Variants in TRIM37 observed in about 807,000 individuals in gnomAD.
TRIM37 encodes tripartite motif containing 37, also known as E3 ubiquitin-protein ligase TRIM37.
TRIM37 carries 80 observed loss-of-function variants against 129.8 expected under a neutral mutation model. That is an observed-to-expected ratio of 0.62 (90% confidence interval 0.51 to 0.74). The LOEUF (loss-of-function observed/expected upper bound fraction) is 0.74, where lower values mean the gene tolerates loss of function less well. Ranked by LOEUF, TRIM37 falls within the 30% of genes least tolerant of loss-of-function variation. TRIM37 has a pLI of 0.00. For synonymous variants in TRIM37, 389 were observed against 387.1 expected, an observed-to-expected ratio of 1.00 and a Z score of -0.06; for missense variants, 1,054 against 1,176.5, an observed-to-expected ratio of 0.90 and a Z score of 1.52.
At chr17:59,030,779 A>G (rs1426164152) in intron 18 of TRIM37, among the ~76,000 whole-genome samples, 1 of 152,190 alleles carries the variant, frequency 6.6e-6, no homozygotes, top group Non-Finnish European at 1.5e-5. Flanking sequence ...TCTTTGGAAT[A>G]TACTCCTCAA....
chr17:58,994,957 C>G (rs141992855), downstream of TRIM37, among the ~76,000 whole-genome samples: 4 of 152,268 alleles, frequency 2.6e-5, no homozygotes, highest in African/African-American at 4.8e-5. Flanking sequence ...CCATGTTGGT[C>G]AGGTTGGTCT....
At position 59,001,958 on chromosome 17, in the gene TRIM37, T is replaced by G. The variant is rs1352727998; in HGVS notation, c.2696-244A>C. On this transcript the variant is annotated intron_variant, in intron 22 of 23. Coordinates refer to ENST00000262294, the MANE Select transcript of TRIM37 (RefSeq NM_015294.6). ...TTAAAATTGCCCTTTCCATAGTACC[T>G]GAAAGTTATTATTTGAAACCAGCAT... 5.3e-5 allele frequency among the ~76,000 whole-genome samples: 8 copies of G among 152,270 alleles called. No individual in the cohort carries two copies. The South Asian group carries it at 1.7e-3, about 32-fold the overall frequency.
chr17:59,080,284 G>A (rs901159878), intron 6 of TRIM37, among the ~76,000 whole-genome samples: 1 of 152,076 alleles, frequency 6.6e-6, no homozygotes, highest in Non-Finnish European at 1.5e-5. Context: ...TTTTTTCACA[G>A]AAATAACATT....
At chr17:59,042,854 T>C (rs998027871) in intron 16 of TRIM37, among the ~76,000 whole-genome samples, 3 of 151,498 alleles carry the variant, frequency 2.0e-5, no homozygotes, top group Non-Finnish European at 2.9e-5. Flanking sequence ...AATGAAACAC[T>C]AAAAAATCTA....
chr17:59,020,952 T>C (rs2036532112), intron 19 of TRIM37, among the ~76,000 whole-genome samples: 1 of 152,208 alleles, frequency 6.6e-6, no homozygotes, highest in Non-Finnish European at 1.5e-5. Flanking sequence ...ATCTACCATA[T>C]GATCCAGCAA....
Position 59,001,657 on chromosome 17 carries a change from T to C in TRIM37, c.2753A>G (p.His918Arg), listed in dbSNP as rs907843027. 6.2e-7 allele frequency: 1 copy of C among 1,614,128 alleles called. No individual in the cohort carries two copies. Among genetic ancestry groups the C allele is most frequent in the Non-Finnish European group, 8.5e-7 (1 of 1,179,996 alleles). The change falls in exon 23 of 24, where the codon CAT becomes CGT. Residue 918 changes from histidine (H) to arginine (R), a missense_variant. Around this residue, in one of 3 missense-constraint regions of TRIM37, gnomAD observed 287 missense variants for 274.3 expected, o/e 1.05. Transcript: ENST00000262294. The part of the protein sequence containing the change: ...CDTENEEQEE[H>R]TSVGGFHDSF... The stretch of plus-strand genomic sequence containing the variant: ...GTCGTGAAACCCGCCCACACTGGTA[T>C]GCTCTTCCTGCTCCTCATTCTCAGT...
rs756595364 is a variant in TRIM37, at chr17:59,049,160, A to C, written c.1530+18T>G. The stretch of plus-strand genomic sequence containing the variant: ...TTTTTAATCAAACACAAAAATCTAA[A>C]ACTGGCCTCATTATTACATGATAAT... On this transcript the variant is annotated intron_variant, in intron 15 of 23. Transcript: ENST00000262294. The C allele has an allele frequency of 6.2e-7, 1 of 1,604,012 alleles. No individual in the cohort carries two copies. Among genetic ancestry groups the C allele is most frequent in the Non-Finnish European group, 8.5e-7 (1 of 1,171,042 alleles).
chr17:59,071,617 T>C (rs1265007816), intron 8 of TRIM37, among the ~76,000 whole-genome samples: 1 of 151,812 alleles, frequency 6.6e-6, no homozygotes, highest in Admixed American at 6.6e-5. Context: ...ATTTCTCAGA[T>C]TGTATTCTAG....
intron 19 of TRIM37, among the ~76,000 whole-genome samples, 192 bp from the exon 20 acceptor site, chr17:59,017,616 G>A (rs1472021960): frequency 6.6e-6 from 1 of 151,848 alleles, no homozygotes; most frequent in East Asian, 1.9e-4. Flanking sequence ...GTTGCTTGTA[G>A]AGCAGAATCT....
At position 59,055,821 on chromosome 17, in the gene TRIM37, G is replaced by A. The variant is rs138383165; in HGVS notation, c.1199+1054C>T. Among the ~76,000 whole-genome samples the A allele has an allele frequency of 1.2e-3, 187 of 152,134 alleles. 2 individuals carry two copies. The Middle Eastern group carries it at 0.017, about 14-fold the overall frequency. On this transcript the variant is annotated intron_variant, in intron 13 of 23. Coordinates refer to ENST00000262294, the MANE Select transcript of TRIM37 (RefSeq NM_015294.6). The stretch of plus-strand genomic sequence containing the variant: ...AGAGGATAAGAAAAAATAACTATTG[G>A]GTACTAGGCTTAGTATCTGGGTGAT...
chr17:59,049,128 C>T (rs2040101812), intron 15 of TRIM37, 50 bp downstream of exon 15: 2 of 1,454,784 alleles, frequency 1.4e-6, no homozygotes, highest in African/African-American at 1.4e-5. Flanking sequence ...CATGATGCTA[C>T]TGTTTTTTTT....
chr17:59,079,627 T>C, intron 7 of TRIM37, 127 bp downstream of exon 7: 2 of 1,185,652 alleles, frequency 1.7e-6, no homozygotes, highest in Non-Finnish European at 1.2e-6. Context: ...CTGTCTAAAT[T>C]GTAACAACAT....
In TRIM37 at chr17:58,983,183, G is replaced by A; in HGVS notation, c.2892-262C>T. On this transcript the variant is annotated intron_variant, in intron 24 of 24. Coordinates refer to the TRIM37 transcript ENST00000393066. Reference sequence around the variant, plus strand: ...ATTTTGTAGGTCCGACTACACAGCAGTGTTAACTCATTTCTCATGCCATTA... The same window carrying A: ...ATTTTGTAGGTCCGACTACACAGCAATGTTAACTCATTTCTCATGCCATTA... 3 of 378,290 alleles carry A rather than the reference G, an allele frequency of 7.9e-6. No individual in the cohort carries two copies. In the East Asian group the frequency reaches 1.2e-4, roughly 16 times the overall value. The allele number at this position is 378,290 out of a possible 1,614,324, so 23.4% of individuals were successfully genotyped here.
chr17:59,023,953 C>T (rs188414184), intron 19 of TRIM37, among the ~76,000 whole-genome samples: 54 of 152,178 alleles, frequency 3.5e-4, no homozygotes, highest in African/African-American at 1.2e-3. Context: ...GTGGCTCACG[C>T]TTGTAATCCC....
rs569261264 is a variant in TRIM37 at position 59,037,732 on chromosome 17, C to T, written c.1753+4081G>A. Among the ~76,000 whole-genome samples the T allele has an allele frequency of 2.0e-4, 31 of 152,038 alleles. 3 individuals are homozygous for T. The South Asian group carries it at 6.4e-3, about 32-fold the overall frequency. The stretch of plus-strand genomic sequence containing the variant: ...TGGTATATTTGTCACAACTAATGAA[C>T]CAATACTGATATATTATTAACTAAA... On this transcript the variant is annotated intron_variant, in intron 17 of 23. Coordinates refer to ENST00000262294, the MANE Select transcript of TRIM37 (RefSeq NM_015294.6).
At chr17:59,066,762 A>T (rs577384596) in intron 9 of TRIM37, among the ~76,000 whole-genome samples, 8 of 152,324 alleles carry the variant, frequency 5.3e-5, no homozygotes, top group African/African-American at 1.9e-4. Flanking sequence ...GGGCAGCATT[A>T]AACAGGATAC....
intron 19 of TRIM37, among the ~76,000 whole-genome samples, chr17:59,019,767 C>T (rs1045609270): frequency 5.3e-5 from 8 of 151,392 alleles, no homozygotes; most frequent in Admixed American, 3.3e-4. Flanking sequence ...TAGTGGTTAC[C>T]AGAAGATAGT....
chr17:59,033,846 A>C (rs973704655), intron 17 of TRIM37, among the ~76,000 whole-genome samples: 1 of 151,104 alleles, frequency 6.6e-6, no homozygotes, highest in Non-Finnish European at 1.5e-5. Flanking sequence ...AGCTGGGTGC[A>C]GTGGCTCACG....
intron 7 of TRIM37, 44 bp downstream of exon 7, chr17:59,079,710 A>C: frequency 6.2e-7 from 1 of 1,612,502 alleles, no homozygotes. Flanking sequence ...ATCTCAAAGA[A>C]GCTGAAAGCA....
Sources: allele counts gnomAD v4.1 joint callset (sites outside exome capture counted in the v4.1 genomes callset), GRCh38; gene constraint gnomAD v4.1.1; regional missense constraint gnomAD v4.1.1; transcripts MANE v1.5; gene names NCBI Gene and HGNC (gene_info 2026-07-23, HGNC 2026-07-21).